C12orf42: variants seen among roughly 807,000 people sequenced by gnomAD.
C12orf42 encodes the protein uncharacterized protein C12orf42.
Under a neutral mutation model 21.6 loss-of-function variants are expected in C12orf42, and 25 were observed. That is an observed-to-expected ratio of 1.16 (90% CI 0.84 to 1.62). The LOEUF is 1.62. C12orf42 is among the 40% of genes most tolerant of loss of function. C12orf42 has a pLI of 0.00. For missense variants in C12orf42, 483 were observed against 459.3 expected (o/e 1.05, Z -0.47); for synonymous variants, 174 against 175.0 (o/e 0.99, Z 0.05).
intron 4 of C12orf42, among the ~76,000 whole-genome samples, chr12:103,279,243 AC>A (rs2035957281): frequency 1.3e-5 from 2 of 152,138 alleles, no homozygotes; most frequent in South Asian, 4.1e-4. Flanking sequence ...CCCCACCACC[AC>A]ACACCAAATG....
chr12:103,205,499 A>G, the C12orf42 span, among the ~76,000 whole-genome samples: 2 of 152,158 alleles, frequency 1.3e-5, no homozygotes, highest in African/African-American at 4.8e-5. Flanking sequence ...CCCATGATTC[A>G]ATTACCTCCT....
At chr12:103,129,498 G>GTT in the C12orf42 span, among the ~76,000 whole-genome samples, 1 of 152,092 alleles carries the variant, frequency 6.6e-6, no homozygotes, top group African/African-American at 2.4e-5. Flanking sequence ...ACCTCCCAAA[G>GTT]TTTTCCCAAT....
chr12:103,225,705 T>C, the C12orf42 span, among the ~76,000 whole-genome samples: 4 of 151,946 alleles, frequency 2.6e-5, no homozygotes, highest in African/African-American at 9.7e-5. Context: ...TAAAAGAGTA[T>C]TGTCTAAGTT....
the C12orf42 span, among the ~76,000 whole-genome samples, chr12:103,111,971 A>C: frequency 1 from 152,340 of 152,354 alleles, 76,163 homozygotes; most frequent in East Asian, 1. Context: ...CCATGGAAGG[A>C]TTTGGCAATT....
At chr12:103,456,728 G>A (rs577392610) in intron 2 of C12orf42, among the ~76,000 whole-genome samples, 1 of 152,216 alleles carries the variant, frequency 6.6e-6, no homozygotes, top group African/African-American at 2.4e-5. Context: ...AAAGGTTGAG[G>A]CTTATATGTA....
chr12:103,247,907 T>A (rs2034091414), intron 10 of C12orf42, among the ~76,000 whole-genome samples: 2 of 152,098 alleles, frequency 1.3e-5, no homozygotes, highest in Non-Finnish European at 2.9e-5. Context: ...CCCTTTTACA[T>A]GGATGCCATT....
chr12:103,051,728 G>A, the C12orf42 span, among the ~76,000 whole-genome samples: 2 of 152,070 alleles, frequency 1.3e-5, no homozygotes, highest in Admixed American at 1.3e-4. Context: ...ACTTGTTTCT[G>A]CCCCTCTGAG....
chr12:103,366,870 A>C (rs892535096), intron 4 of C12orf42, among the ~76,000 whole-genome samples: 1 of 152,100 alleles, frequency 6.6e-6, no homozygotes, highest in African/African-American at 2.4e-5. Flanking sequence ...AACTAGTGCA[A>C]CCGCTATGGA....
downstream of C12orf42, among the ~76,000 whole-genome samples, chr12:103,234,088 C>G (rs1471390804): frequency 1.3e-5 from 2 of 152,052 alleles, no homozygotes; most frequent in Non-Finnish European, 2.9e-5. Context: ...CTCTTTTAGC[C>G]TGTTGATGCA....
the C12orf42 span, among the ~76,000 whole-genome samples, chr12:103,145,319 C>A: frequency 1.1e-4 from 17 of 152,102 alleles, no homozygotes; most frequent in Non-Finnish European, 2.4e-4. Flanking sequence ...AGTTCAGTTG[C>A]CCTTTGTCAA....
chr12:103,048,106 T>C, the C12orf42 span, among the ~76,000 whole-genome samples: 1 of 151,670 alleles, frequency 6.6e-6, no homozygotes. Flanking sequence ...CTGACTAGGA[T>C]GTGCAGGAAG....
the C12orf42 span, among the ~76,000 whole-genome samples, chr12:103,221,141 G>A: frequency 1.3e-5 from 2 of 152,212 alleles, 1 homozygote; most frequent in Middle Eastern, 6.3e-3. Context: ...TTTGAAATAA[G>A]CTGAGAGAAA....
chr12:103,247,669 T>A (rs1463301602), intron 10 of C12orf42, among the ~76,000 whole-genome samples: 1 of 152,012 alleles, frequency 6.6e-6, no homozygotes, highest in African/African-American at 2.4e-5. Flanking sequence ...CTTTACTCAT[T>A]GCCTTTGGTA....
chr12:103,100,669 G>A, the C12orf42 span, among the ~76,000 whole-genome samples: 1 of 152,158 alleles, frequency 6.6e-6, no homozygotes, highest in Admixed American at 6.5e-5. Flanking sequence ...ACAGTTAAAT[G>A]ATCATTAATT....
chr12:103,277,651 C>T (rs1465852689), intron 4 of C12orf42, among the ~76,000 whole-genome samples: 4 of 150,314 alleles, frequency 2.7e-5, no homozygotes, highest in East Asian at 1.9e-4. Flanking sequence ...GATGGAGTCT[C>T]GCTTTGTCAC....
chr12:103,494,394 G>A (rs563514325), intron 1 of C12orf42, among the ~76,000 whole-genome samples: 63 of 152,106 alleles, frequency 4.1e-4, no homozygotes, highest in Non-Finnish European at 8.4e-4. Context: ...CATTAGTTTC[G>A]ACAGCTCTGT....
At chr12:103,214,885 C>T in the C12orf42 span, among the ~76,000 whole-genome samples, 1 of 152,140 alleles carries the variant, frequency 6.6e-6, no homozygotes, top group Non-Finnish European at 1.5e-5. Context: ...TCTTTACTTA[C>T]CTTTCCTAGA....
chr12:103,457,782 G>A (rs1310051679), intron 2 of C12orf42, among the ~76,000 whole-genome samples: 1 of 152,110 alleles, frequency 6.6e-6, no homozygotes, highest in African/African-American at 2.4e-5. Context: ...CTCCTGGCAG[G>A]GGGTGGGGGG....
intron 4 of C12orf42, among the ~76,000 whole-genome samples, chr12:103,366,757 G>A (rs375932568): frequency 1.3e-5 from 2 of 151,978 alleles, no homozygotes; most frequent in African/African-American, 2.4e-5. Flanking sequence ...ACCACAATGC[G>A]ATACCACCTT....
Sources: gnomAD v4.1 joint callset for allele counts (sites outside exome capture counted in the v4.1 genomes callset) on GRCh38, gnomAD v4.1.1 for gene constraint, MANE v1.5 for transcripts, NCBI Gene and HGNC (gene_info 2026-07-23, HGNC 2026-07-21) for gene names.